The following UBA5 variants were observed in gnomAD, a reference collection of about 807,000 sequenced individuals.
The protein encoded by UBA5 is ubiquitin like modifier activating enzyme 5.
UBA5 carries 28 observed loss-of-function variants against 52.9 expected under a neutral mutation model. The ratio of observed to expected loss-of-function variants is 0.53; its 90% CI spans 0.39 to 0.73. UBA5 has a LOEUF of 0.73. Among genes scored for constraint, UBA5 ranks in the 30% least tolerant of loss-of-function variants. The pLI is 0.00. For synonymous variants in UBA5, 135 were observed against 162.1 expected (o/e 0.83, Z 1.27); for missense variants, 388 against 492.7 (o/e 0.79, Z 2.01).
chr3:132,662,549 A>C (rs1180791725), intron 1 of UBA5, among the ~76,000 whole-genome samples: 1 of 152,224 alleles, frequency 6.6e-6, no homozygotes, highest in African/African-American at 2.4e-5. Context: ...GATAAAGTAC[A>C]AAAGGTTATA....
At position 132,676,571 on chromosome 3, in the gene UBA5, C is replaced by A; in HGVS notation, c.*45C>A. 6.9e-7 allele frequency: 1 copy of A among 1,455,524 alleles called. No individual in the cohort carries two copies. The highest frequency in any genetic ancestry group is 9.4e-7 in the Non-Finnish European group (1 of 1,064,114). The allele number at this position is 1,455,524 out of a possible 1,614,324, so 90.2% of individuals were successfully genotyped here. Reference sequence around the variant, plus strand: ...TGTATTTCTCATGTTAAAGCCTCTTCCCTTGAAATTAAAAAAAAATTTTAA... The same window carrying A: ...TGTATTTCTCATGTTAAAGCCTCTTACCTTGAAATTAAAAAAAAATTTTAA... On this transcript the variant is annotated 3_prime_UTR_variant, in exon 12 of 12. Transcript: ENST00000356232. This position sits in a 1 kb window ranked among gnomAD's most constrained non-coding sequence, Gnocchi z 4.1.
intron 1 of UBA5, among the ~76,000 whole-genome samples, chr3:132,662,470 C>T (rs1202165341): frequency 3.9e-5 from 6 of 152,020 alleles, no homozygotes; most frequent in African/African-American, 1.2e-4. Context: ...CATGCCATTG[C>T]AGTACAGGTG....
chr3:132,675,523 A>G, intron 9 of UBA5, 82 bp from the exon 10 acceptor site: 1 of 1,519,266 alleles, frequency 6.6e-7, no homozygotes, highest in African/African-American at 1.4e-5. Flanking sequence ...TGGTAAGATA[A>G]AAAGCCTGTC....
In UBA5 at chr3:132,678,421, G is replaced by GA. The variant is rs1372763731; in HGVS notation, c.*1898dup. Among the ~76,000 whole-genome samples, 1 of 152,080 alleles carries GA rather than the reference G, an allele frequency of 6.6e-6. No homozygotes were observed. Among genetic ancestry groups the GA allele is most frequent in the Non-Finnish European group, 1.5e-5 (1 of 68,022 alleles). ...TTGTAAACACTATTGATTCTAATGT[G>GA]AAAGATGGAAAAGCAGTCCCAGAAT... On this transcript the variant is annotated 3_prime_UTR_variant, in exon 12 of 12. Transcript: ENST00000356232.
At position 132,676,310 on chromosome 3, in the gene UBA5, A is replaced by G. The variant is rs1419344949; in HGVS notation, c.1132-133A>G. ...AGACTCTGTCTTTCTTCTAAAAATT[A>G]GAAGATAGTTGTTAAAGAAAATTTA... is the stretch of plus-strand genomic sequence containing the variant. On this transcript the variant is annotated intron_variant, in intron 11 of 11. Transcript: ENST00000356232. The surrounding 1 kb of genome is among the most constrained non-coding windows in gnomAD (Gnocchi z 4.1). 1.5e-6 allele frequency: 1 copy of G among 659,050 alleles called. No individual in the cohort carries two copies. The highest frequency in any genetic ancestry group is 2.6e-6 in the Non-Finnish European group (1 of 390,062). The allele number at this position is 659,050 out of a possible 1,614,324, so 40.8% of individuals were successfully genotyped here. A position where few individuals can be genotyped will look rare whatever the true frequency, so the allele number is the denominator to read the frequency against.
In UBA5 at chr3:132,660,597, C is replaced by A; in HGVS notation, c.60C>A (p.Ala20=). ...TCCAGGAGCTGGAGCGGGAACTTGC[C>A]CAGGAGAGGAGTCTGCAGGTCCCGA... ...QRVQELEREL[A]QERSLQVPRS... is the part of the protein sequence containing the mutation. The change falls in exon 1 of 12, where the codon GCC becomes GCA. Residue 20 remains alanine, a synonymous_variant. Coordinates refer to ENST00000356232, the MANE Select transcript of UBA5 (RefSeq NM_024818.6). The surrounding 1 kb of genome is among the most constrained non-coding windows in gnomAD (Gnocchi z 4.1). 6.4e-7 allele frequency: 1 copy of A among 1,554,064 alleles called. No individual in the cohort carries two copies. The highest frequency in any genetic ancestry group is 8.7e-7 in the Non-Finnish European group (1 of 1,149,074).
At chr3:132,672,004 A>T (rs773526826) in intron 7 of UBA5, 46 bp from the exon 8 acceptor site, 6 of 1,609,656 alleles carry the variant, frequency 3.7e-6, no homozygotes, top group Non-Finnish European at 5.1e-6. Context: ...GGAACATCTC[A>T]TACTTTTTCT....
chr3:132,658,088 CCT>C (rs1179340886), upstream of UBA5, among the ~76,000 whole-genome samples: 1 of 152,122 alleles, frequency 6.6e-6, no homozygotes, highest in African/African-American at 2.4e-5. Context: ...GTCTTGAACT[CCT>C]GACCTCAAGT....
At chr3:132,665,741 T>G in intron 1 of UBA5, 82 bp from the exon 2 acceptor site, 1 of 1,342,322 alleles carries the variant, frequency 7.4e-7, no homozygotes, top group South Asian at 1.3e-5. Context: ...TGGTGTTTAT[T>G]TTCTGTGATG....
rs1401437301 is a variant in UBA5 at position 132,660,974 on chromosome 3, T to G, written c.161+276T>G. ...GTTTCCTATCACCCTTGCCTCTTAA[T>G]TAGTCCGCCTCGCTGTGTATAAGAC... On this transcript the variant is annotated intron_variant, in intron 1 of 11. Transcript: ENST00000356232. This position sits in a 1 kb window ranked among gnomAD's most constrained non-coding sequence, Gnocchi z 4.1. The G allele has an allele frequency of 1.3e-6, 2 of 1,481,750 alleles. No homozygotes were observed. Among genetic ancestry groups the G allele is most frequent in the Non-Finnish European group, 1.8e-6 (2 of 1,113,134 alleles). The allele number at this position is 1,481,750 out of a possible 1,614,324, so 91.8% of individuals were successfully genotyped here.
At chr3:132,672,495 ATATT>A (rs1260310225) in intron 8 of UBA5, among the ~76,000 whole-genome samples, 2 of 152,144 alleles carry the variant, frequency 1.3e-5, no homozygotes, top group African/African-American at 2.4e-5. Context: ...TGGTAGTGGC[ATATT>A]TATTTATGAA....
At chr3:132,671,543 A>G (rs1246400199) in intron 6 of UBA5, among the ~76,000 whole-genome samples, 3 of 152,172 alleles carry the variant, frequency 2.0e-5, no homozygotes, top group African/African-American at 7.2e-5. Flanking sequence ...GAAATCCAAT[A>G]AACTTTGATT....
At chr3:132,655,612 C>G (rs1937748433), upstream of UBA5, among the ~76,000 whole-genome samples, 1 of 152,176 alleles carries the variant, frequency 6.6e-6, no homozygotes, top group Non-Finnish European at 1.5e-5. Flanking sequence ...ATGCCGTGTG[C>G]TCGAGGAAAT....
chr3:132,668,978 T>A, intron 4 of UBA5, 51 bp downstream of exon 4: 1 of 1,212,118 alleles, frequency 8.3e-7, no homozygotes, highest in South Asian at 1.4e-5. Context: ...TTACTTTATG[T>A]ATTTGATATG....
chr3:132,658,023 G>A (rs367709441), upstream of UBA5, among the ~76,000 whole-genome samples: 22 of 151,898 alleles, frequency 1.4e-4, no homozygotes, highest in East Asian at 2.1e-3. Flanking sequence ...CACCACGCCC[G>A]GCTAATTTTT....
chr3:132,661,126 A>T, intron 1 of UBA5: 1 of 1,178,864 alleles, frequency 8.5e-7, no homozygotes. Context: ...GGTTAGCTCT[A>T]TTCTGAGATA....
chr3:132,665,416 A>G (rs1232677380), intron 1 of UBA5, among the ~76,000 whole-genome samples: 1 of 152,152 alleles, frequency 6.6e-6, no homozygotes, highest in Non-Finnish European at 1.5e-5. Context: ...TATTGTGGGC[A>G]GAGGCAACAA....
chr3:132,671,507 A>C (rs1212058994), intron 6 of UBA5, among the ~76,000 whole-genome samples: 2 of 152,162 alleles, frequency 1.3e-5, no homozygotes, highest in African/African-American at 4.8e-5. Context: ...ATTTTAGAAA[A>C]GTGAAATTTC....
At chr3:132,657,994 T>TG (rs1028342355), upstream of UBA5, among the ~76,000 whole-genome samples, 1 of 151,598 alleles carries the variant, frequency 6.6e-6, no homozygotes, top group African/African-American at 2.4e-5. Flanking sequence ...CCCAAGTAGC[T>TG]GGGACTACAG....
Sources: allele counts gnomAD v4.1 joint callset (sites outside exome capture counted in the v4.1 genomes callset), GRCh38; gene constraint gnomAD v4.1.1; non-coding constraint Gnocchi (gnomAD v3.1); transcripts MANE v1.5; gene names NCBI Gene and HGNC (gene_info 2026-07-23, HGNC 2026-07-21).